PTPRG: variants seen among roughly 807,000 people sequenced by gnomAD.
PTPRG encodes receptor-type tyrosine-protein phosphatase gamma.
A neutral mutation model predicts 165.3 loss-of-function variants in PTPRG; 102 were observed. The observed-to-expected ratio is 0.62, with a 90% CI of 0.53 to 0.73. The LOEUF (loss-of-function observed/expected upper bound fraction) is 0.73, where lower values mean the gene tolerates loss of function less well. Among genes scored for constraint, PTPRG ranks in the 30% least tolerant of loss-of-function variants. PTPRG has a pLI of 0.00. For synonymous variants in PTPRG, 675 were observed against 669.5 expected (o/e 1.01, Z -0.13); for missense variants, 1,866 against 1,861.4 (o/e 1.00, Z -0.05).
At chr3:62,054,993 G>C (rs935323797) in intron 4 of PTPRG, among the ~76,000 whole-genome samples, 2 of 152,198 alleles carry the variant, frequency 1.3e-5, no homozygotes, top group Non-Finnish European at 2.9e-5. Context: ...AATTCATGTA[G>C]CAGGTAGCAC....
chr3:62,116,047 G>GTGTTGTCTTTATTGTCAGT (rs1702854597), intron 5 of PTPRG, among the ~76,000 whole-genome samples: 1 of 152,184 alleles, frequency 6.6e-6, no homozygotes, highest in Non-Finnish European at 1.5e-5. Flanking sequence ...TTTATTGTCA[G>GTGTTGTCTTTATTGTCAGT]TGTTGTCTTT....
chr3:61,694,540 A>G (rs1460331865), intron 1 of PTPRG, among the ~76,000 whole-genome samples: 1 of 152,206 alleles, frequency 6.6e-6, no homozygotes, highest in Non-Finnish European at 1.5e-5. Flanking sequence ...TTTCTGACTC[A>G]GTGATCCCAC....
At chr3:61,742,917 A>G (rs1358296079) in intron 1 of PTPRG, 2 of 1,472,432 alleles carry the variant, frequency 1.4e-6, no homozygotes, top group Admixed American at 1.7e-5. Context: ...GGACACACAC[A>G]CACAACTTAG....
At position 62,267,723 on chromosome 3, in the gene PTPRG, A is replaced by G; in HGVS notation, c.2778A>G (p.Gly926=). The change falls in exon 19 of 30, where the codon GGA becomes GGG. Residue 926 remains glycine (G), a synonymous_variant. Coordinates refer to ENST00000474889, the MANE Select transcript of PTPRG (RefSeq NM_002841.4). The stretch of plus-strand genomic sequence containing the variant: ...CAAAAGCCTACATTGCCACCCAAGG[A>G]CCTTTGAAGTCTACATTTGAAGATT... ...NKAKAYIATQ[G]PLKSTFEDFW... The G allele has an allele frequency of 6.2e-7, 1 of 1,613,490 alleles. No individual in the cohort carries two copies. Among genetic ancestry groups the G allele is most frequent in the Non-Finnish European group, 8.5e-7 (1 of 1,179,540 alleles).
At position 62,195,667 on chromosome 3, in the gene PTPRG, G is replaced by A. The variant is rs1333632707; in HGVS notation, c.1327+497G>A. ...AGATAGATGGTCCTGATGACTTAGG[G>A]ACTAATAGAAAGGTCCAGGGCCAGA... On this transcript the variant is annotated intron_variant, in intron 10 of 29. Coordinates refer to ENST00000474889, the MANE Select transcript of PTPRG (RefSeq NM_002841.4). The surrounding 1 kb of genome is among the most constrained non-coding windows in gnomAD (Gnocchi z 4.4). 6.6e-6 allele frequency among the ~76,000 whole-genome samples: 1 copy of A among 152,196 alleles called. No homozygotes were observed. Among genetic ancestry groups the A allele is most frequent in the Non-Finnish European group, 1.5e-5 (1 of 68,052 alleles).
At chr3:61,655,322 G>T (rs1456710056) in intron 1 of PTPRG, among the ~76,000 whole-genome samples, 1 of 152,074 alleles carries the variant, frequency 6.6e-6, no homozygotes, top group Non-Finnish European at 1.5e-5. Flanking sequence ...TGCAAGTTAC[G>T]TTTTTCACTT....
chr3:61,657,856 G>T (rs939102), intron 1 of PTPRG, among the ~76,000 whole-genome samples: 4 of 152,164 alleles, frequency 2.6e-5, no homozygotes, highest in Non-Finnish European at 4.4e-5. Context: ...TAAGTTGATC[G>T]ATAGCAGGCA....
intron 4 of PTPRG, among the ~76,000 whole-genome samples, chr3:62,058,929 A>G (rs1050564181): frequency 6.6e-6 from 1 of 152,126 alleles, no homozygotes; most frequent in African/African-American, 2.4e-5. Context: ...CTTATGAGCA[A>G]TTGTCACACC....
chr3:62,066,604 G>A (rs946141020), intron 4 of PTPRG, among the ~76,000 whole-genome samples: 2 of 152,136 alleles, frequency 1.3e-5, no homozygotes, highest in African/African-American at 4.8e-5. Flanking sequence ...CTGTGTCCAA[G>A]GCGTTAAGCT....
chr3:61,583,353 C>T (rs889090050), intron 1 of PTPRG, among the ~76,000 whole-genome samples: 6 of 152,174 alleles, frequency 3.9e-5, no homozygotes, highest in African/African-American at 1.2e-4. Flanking sequence ...ACTATAGTGT[C>T]TCTGTGCTTG....
chr3:61,829,466 C>T (rs974156904), intron 2 of PTPRG, among the ~76,000 whole-genome samples: 1 of 152,214 alleles, frequency 6.6e-6, no homozygotes, highest in Non-Finnish European at 1.5e-5. Flanking sequence ...CCGATCACTG[C>T]CTTAAACGAC....
At chr3:62,096,165 A>G (rs918236667) in intron 5 of PTPRG, among the ~76,000 whole-genome samples, 2 of 152,128 alleles carry the variant, frequency 1.3e-5, no homozygotes, top group Admixed American at 1.3e-4. Flanking sequence ...GGGAAAAATG[A>G]TATCTTTCTA....
intron 4 of PTPRG, among the ~76,000 whole-genome samples, chr3:62,038,299 G>A (rs1486788739): frequency 6.6e-6 from 1 of 152,222 alleles, no homozygotes; most frequent in Non-Finnish European, 1.5e-5. Flanking sequence ...GAAAATCATA[G>A]TAAAATGAGA....
At chr3:61,920,341 C>T (rs936564125) in intron 2 of PTPRG, among the ~76,000 whole-genome samples, 12 of 149,066 alleles carry the variant, frequency 8.1e-5, no homozygotes, top group African/African-American at 2.7e-4. Context: ...TGAGCATCTA[C>T]TGAGTGTTCG....
chr3:61,648,485 G>A (rs867169467), intron 1 of PTPRG, among the ~76,000 whole-genome samples: 2 of 152,326 alleles, frequency 1.3e-5, no homozygotes, highest in Middle Eastern at 6.8e-3. Context: ...GCAAAAGAGA[G>A]GTTTTCTTTT....
In PTPRG at chr3:61,663,605, C is replaced by T. The variant is rs74452015; in HGVS notation, c.86-85273C>T. 8.4e-4 allele frequency among the ~76,000 whole-genome samples: 127 copies of T among 151,912 alleles called. 2 individuals are homozygous for T. The East Asian group carries it at 0.018, about 22-fold the overall frequency. On this transcript the variant is annotated intron_variant, in intron 1 of 29. Coordinates refer to ENST00000474889, the MANE Select transcript of PTPRG (RefSeq NM_002841.4). ...AGTCAAGTGCATTACATTTATTATG[C>T]GCTATATTTCTATTATTACTATATT...
At chr3:61,996,142 G>T (rs2041035603) in intron 3 of PTPRG, among the ~76,000 whole-genome samples, 1 of 152,120 alleles carries the variant, frequency 6.6e-6, no homozygotes, top group Non-Finnish European at 1.5e-5. Flanking sequence ...TATCTGTGGA[G>T]TAGATTTTGA....
intron 4 of PTPRG, among the ~76,000 whole-genome samples, chr3:62,032,362 T>G (rs909473261): frequency 1.3e-5 from 2 of 152,232 alleles, no homozygotes; most frequent in Non-Finnish European, 2.9e-5. Context: ...TGCTTTAGAT[T>G]TAGTCAATAT....
intron 2 of PTPRG, among the ~76,000 whole-genome samples, chr3:61,902,675 G>A (rs1412103337): frequency 1.3e-5 from 2 of 152,132 alleles, no homozygotes; most frequent in African/African-American, 4.8e-5. Flanking sequence ...TATCAGCAGT[G>A]TCTTAACATA....
Sources: gnomAD v4.1 joint callset for allele counts (sites outside exome capture counted in the v4.1 genomes callset) on GRCh38, gnomAD v4.1.1 for gene constraint, Gnocchi (gnomAD v3.1) non-coding constraint, MANE v1.5 for transcripts, NCBI Gene and HGNC (gene_info 2026-07-23, HGNC 2026-07-21) for gene names.